Variants in INPP4B observed in about 807,000 individuals in gnomAD.
INPP4B encodes inositol polyphosphate-4-phosphatase type II B, also known as inositol polyphosphate 4-phosphatase type II.
A neutral mutation model predicts 122.5 loss-of-function variants in INPP4B; 55 were observed. The observed-to-expected ratio is 0.45, with a 90% confidence interval of 0.36 to 0.56. INPP4B has a LOEUF of 0.56. Among genes scored for constraint, INPP4B ranks in the 20% least tolerant of loss-of-function variants. The pLI, the probability that INPP4B is intolerant of heterozygous loss-of-function variation, is 0.00. For synonymous variants in INPP4B, 403 were observed against 388.7 expected, an observed-to-expected ratio of 1.04 and a Z score of -0.43; for missense variants, 1,000 against 1,097.7, an observed-to-expected ratio of 0.91 and a Z score of 1.26.
intron 18 of INPP4B, among the ~76,000 whole-genome samples, chr4:142,144,888 T>A (rs2152839802): frequency 6.6e-6 from 1 of 152,210 alleles, no homozygotes; most frequent in East Asian, 1.9e-4. Flanking sequence ...AATCTAATTT[T>A]ATAAATGTTT....
intron 1 of INPP4B, among the ~76,000 whole-genome samples, chr4:142,751,447 C>G (rs145500517): frequency 6.6e-6 from 1 of 151,886 alleles, no homozygotes; most frequent in Non-Finnish European, 1.5e-5. Flanking sequence ...ATGTATTTTT[C>G]TGTAAGATAT....
At chr4:142,316,005 C>T (rs535830469) in intron 7 of INPP4B, among the ~76,000 whole-genome samples, 1 of 152,108 alleles carries the variant, frequency 6.6e-6, no homozygotes, top group East Asian at 1.9e-4. Context: ...GAATCAGCTC[C>T]TCATGGCCTG....
In INPP4B at chr4:142,088,734, GA is replaced by G. The variant is rs554577430; in HGVS notation, c.2375-2479del. On this transcript the variant is annotated intron_variant, in intron 23 of 25. Transcript: ENST00000262992. ...AATGGGGAACAGAGAATGTGCATGA[GA>G]AAAAGAAATAACTTAAATTCTTTTT... is the stretch of plus-strand genomic sequence containing the variant. Among the ~76,000 whole-genome samples the G allele has an allele frequency of 1.7e-3, 255 of 152,290 alleles. 1 individual carries two copies. The highest frequency in any genetic ancestry group is 5.8e-3 in the African/African-American group (243 of 41,560).
chr4:142,684,865 T>C (rs2150697759), intron 2 of INPP4B, among the ~76,000 whole-genome samples: 1 of 152,026 alleles, frequency 6.6e-6, no homozygotes, highest in East Asian at 1.9e-4. Context: ...TTGGACAAAA[T>C]TGGCATAAGA....
chr4:142,191,262 A>G (rs940972699), intron 15 of INPP4B, among the ~76,000 whole-genome samples: 1 of 152,122 alleles, frequency 6.6e-6, no homozygotes, highest in Non-Finnish European at 1.5e-5. Flanking sequence ...AATGTCCCAA[A>G]CTGGGTGCCA....
At chr4:142,708,180 C>A (rs1410149876) in intron 2 of INPP4B, among the ~76,000 whole-genome samples, 1 of 152,114 alleles carries the variant, frequency 6.6e-6, no homozygotes, top group East Asian at 1.9e-4. Flanking sequence ...CTGCTTCTAA[C>A]AACATATGCT....
At chr4:142,619,536 A>C (rs1744431139) in intron 2 of INPP4B, among the ~76,000 whole-genome samples, 1 of 152,094 alleles carries the variant, frequency 6.6e-6, no homozygotes, top group South Asian at 2.1e-4. Flanking sequence ...TATATAAAAG[A>C]GTCAGGGAGT....
chr4:142,494,941 T>C (rs1210333306), intron 2 of INPP4B, among the ~76,000 whole-genome samples: 1 of 152,162 alleles, frequency 6.6e-6, no homozygotes, highest in Non-Finnish European at 1.5e-5. Context: ...ACAGCATAAA[T>C]TCGTGCAATG....
chr4:142,285,304 C>T (rs1257798978), intron 9 of INPP4B, among the ~76,000 whole-genome samples: 1 of 151,784 alleles, frequency 6.6e-6, no homozygotes, highest in Non-Finnish European at 1.5e-5. Flanking sequence ...AGGAGTAATG[C>T]TGAACTGAGA....
intron 14 of INPP4B, among the ~76,000 whole-genome samples, chr4:142,198,446 T>C: frequency 6.6e-6 from 1 of 151,788 alleles, no homozygotes; most frequent in Non-Finnish European, 1.5e-5. Flanking sequence ...GTTATAGTTT[T>C]CATGTGTTCC....
chr4:142,691,813 G>T (rs11731837), intron 2 of INPP4B, among the ~76,000 whole-genome samples: 1 of 152,058 alleles, frequency 6.6e-6, no homozygotes, highest in African/African-American at 2.4e-5. Context: ...AAAAACGTGG[G>T]GGGGACAAGC....
intron 2 of INPP4B, among the ~76,000 whole-genome samples, chr4:142,625,237 T>C (rs1320125908): frequency 1.3e-5 from 2 of 151,870 alleles, no homozygotes; most frequent in African/African-American, 4.8e-5. Context: ...AAAACCCCAT[T>C]GTCTCAGCCC....
intron 7 of INPP4B, among the ~76,000 whole-genome samples, chr4:142,381,455 A>G (rs10017642): frequency 0.23 from 35,621 of 151,922 alleles, 4,686 homozygotes; most frequent in East Asian, 0.44. Flanking sequence ...CGAACTCTCT[A>G]TATATTATAG....
intron 2 of INPP4B, among the ~76,000 whole-genome samples, chr4:142,617,633 G>C (rs145348666): frequency 5.9e-5 from 9 of 152,070 alleles, no homozygotes. Flanking sequence ...AATAAACAAC[G>C]AGCTGGCATT....
intron 23 of INPP4B, among the ~76,000 whole-genome samples, chr4:142,091,632 TC>T (rs1436084485): frequency 4.6e-5 from 7 of 152,180 alleles, no homozygotes; most frequent in Admixed American, 4.6e-4. Context: ...CCATGACTAT[TC>T]TCGTACCTCC....
chr4:142,330,408 C>T (rs1342839619), intron 7 of INPP4B, among the ~76,000 whole-genome samples: 3 of 152,178 alleles, frequency 2.0e-5, no homozygotes, highest in Non-Finnish European at 4.4e-5. Flanking sequence ...CATTCTTCAT[C>T]TGCACTGGAG....
At chr4:142,790,197 A>T (rs1776343913) in intron 1 of INPP4B, among the ~76,000 whole-genome samples, 1 of 152,186 alleles carries the variant, frequency 6.6e-6, no homozygotes, top group African/African-American at 2.4e-5. Context: ...CAAGAACCCA[A>T]AAGCAAATCC....
rs146074826 is a variant in INPP4B at position 142,176,118 on chromosome 4, TTTATTATTATTA to T, written c.1182-2321_1182-2310del. On this transcript the variant is annotated intron_variant, in intron 15 of 25. Coordinates refer to ENST00000262992, the MANE Select transcript of INPP4B (RefSeq NM_001101669.3). The stretch of plus-strand genomic sequence containing the variant: ...CTCTCTCTTCACATGACTGCTTTCT[TTTATTATTATTA>T]TTATTATTATTATTATTATTATTAT... Among the ~76,000 whole-genome samples the T allele has an allele frequency of 7.3e-5, 10 of 137,620 alleles. No individual in the cohort carries two copies. In the South Asian group the frequency reaches 7.3e-4, roughly 10 times the overall value. The allele number at this position is 137,620 out of a possible 152,430, so 90.3% of individuals were successfully genotyped here.
At chr4:142,818,257 T>C (rs958347571) in intron 1 of INPP4B, among the ~76,000 whole-genome samples, 6 of 152,168 alleles carry the variant, frequency 3.9e-5, no homozygotes, top group Non-Finnish European at 5.9e-5. Context: ...CTCTCTGATA[T>C]CATTTAAACT....
Sources: gnomAD v4.1 joint callset for allele counts (sites outside exome capture counted in the v4.1 genomes callset) on GRCh38, gnomAD v4.1.1 for gene constraint, MANE v1.5 for transcripts, NCBI Gene and HGNC (gene_info 2026-07-23, HGNC 2026-07-21) for gene names.